The following PGM5 variants were observed in gnomAD, a reference collection of about 807,000 sequenced individuals.
PGM5 encodes the protein phosphoglucomutase 5, also known as phosphoglucomutase-like protein 5.
A neutral mutation model predicts 59.2 loss-of-function variants in PGM5; 23 were observed. The observed-to-expected ratio is 0.39, with a 90% CI of 0.28 to 0.55. The LOEUF is 0.55. Among genes scored for constraint, PGM5 ranks in the 20% least tolerant of loss-of-function variants. The pLI is 0.66. For missense variants in PGM5, 574 were observed against 748.3 expected (o/e 0.77, Z 2.72); for synonymous variants, 214 against 286.0 (o/e 0.75, Z 2.54).
chr9:68,512,149 G>T (rs1554689413), intron 10 of PGM5, among the ~76,000 whole-genome samples: 1 of 152,202 alleles, frequency 6.6e-6, no homozygotes, highest in South Asian at 2.1e-4. Flanking sequence ...TCTGTTGGTT[G>T]TTCCAAGCTC....
chr9:68,519,214 CAGAT>C (rs754986134), intron 10 of PGM5, among the ~76,000 whole-genome samples: 6 of 151,820 alleles, frequency 4.0e-5, no homozygotes, highest in African/African-American at 1.2e-4. Flanking sequence ...AAAATTATCC[CAGAT>C]AGATATTTGG....
intron 6 of PGM5, among the ~76,000 whole-genome samples, chr9:68,425,685 CAT>C (rs1823224415): frequency 6.6e-6 from 1 of 151,984 alleles, no homozygotes; most frequent in South Asian, 2.1e-4. Flanking sequence ...TTTATTTGTT[CAT>C]TGTTTTTTTT....
chr9:68,452,052 C>T (rs1322345946), intron 6 of PGM5, among the ~76,000 whole-genome samples: 1 of 152,238 alleles, frequency 6.6e-6, no homozygotes, highest in Non-Finnish European at 1.5e-5. Flanking sequence ...GGCTTCAGCC[C>T]TGGCCTGACA....
chr9:68,476,521 A>C (rs1422713130), intron 7 of PGM5, among the ~76,000 whole-genome samples: 1 of 152,222 alleles, frequency 6.6e-6, no homozygotes, highest in African/African-American at 2.4e-5. Flanking sequence ...TCACTGATAC[A>C]GCATAGCGTT....
intron 6 of PGM5, among the ~76,000 whole-genome samples, chr9:68,463,211 A>G (rs2132077980): frequency 1.3e-5 from 2 of 151,474 alleles, no homozygotes; most frequent in South Asian, 4.2e-4. Flanking sequence ...ATTTGACCAC[A>G]AAGCCAACCT....
At position 68,422,174 on chromosome 9, in the gene PGM5, G is replaced by A. The variant is rs111406725; in HGVS notation, c.1043+29701G>A. On this transcript the variant is annotated intron_variant, in intron 6 of 10. Transcript: ENST00000396396. ...AACTTTTGATAGACCAAGTAGCCAA[G>A]TAGGAGGAACAATCTCAACAATAAA... Among the ~76,000 whole-genome samples, 713 of 152,152 alleles carry A rather than the reference G, an allele frequency of 4.7e-3. 3 individuals carry two copies. Among genetic ancestry groups the A allele is most frequent in the African/African-American group, 0.016 (656 of 41,528 alleles).
chr9:68,465,647 C>G (rs1350306907), intron 7 of PGM5, among the ~76,000 whole-genome samples: 2 of 152,124 alleles, frequency 1.3e-5, no homozygotes, highest in African/African-American at 4.8e-5. Context: ...TATAAGGGCT[C>G]TTGTTCAGAA....
chr9:68,384,365 C>T (rs2987663), intron 2 of PGM5, 33 bp from the exon 3 acceptor site: 34 of 1,550,572 alleles, frequency 2.2e-5, no homozygotes, highest in South Asian at 9.3e-5. Context: ...ACGAGACTTT[C>T]AAAAACATGT....
chr9:68,478,798 C>CCTAA (rs1554686865), intron 7 of PGM5, among the ~76,000 whole-genome samples: 1 of 152,188 alleles, frequency 6.6e-6, no homozygotes, highest in African/African-American at 2.4e-5. Flanking sequence ...CCTCAAGATT[C>CCTAA]CTAACTTAAT....
At chr9:68,438,100 C>A (rs1823468135) in intron 6 of PGM5, among the ~76,000 whole-genome samples, 2 of 151,812 alleles carry the variant, frequency 1.3e-5, no homozygotes, top group Admixed American at 1.3e-4. Context: ...CCAACTTGGG[C>A]AACATGGCGA....
intron 7 of PGM5, among the ~76,000 whole-genome samples, chr9:68,472,697 CAGCCCAGGGTAGAGTGCG>C (rs1487910233): frequency 6.6e-6 from 1 of 152,196 alleles, no homozygotes; most frequent in African/African-American, 2.4e-5. Context: ...TTCTATGAGC[CAGCCCAGGGTAGAGTGCG>C]AGTAATTTCA....
intron 6 of PGM5, among the ~76,000 whole-genome samples, chr9:68,463,881 G>A (rs1467034423): frequency 6.6e-6 from 1 of 152,106 alleles, no homozygotes; most frequent in Non-Finnish European, 1.5e-5. Context: ...AAAAGTAATA[G>A]CCATTCAGTA....
chr9:68,399,556 T>C (rs1158287840), intron 6 of PGM5, among the ~76,000 whole-genome samples: 1 of 151,360 alleles, frequency 6.6e-6, no homozygotes, highest in Non-Finnish European at 1.5e-5. Flanking sequence ...ACATTACTAA[T>C]GAGCTTAAGC....
intron 8 of PGM5, among the ~76,000 whole-genome samples, chr9:68,482,923 A>C (rs1554687227): frequency 6.6e-6 from 1 of 152,194 alleles, no homozygotes; most frequent in African/African-American, 2.4e-5. Context: ...TATTTTTTCT[A>C]ATCGACTTCC....
chr9:68,426,035 T>C (rs782642967), intron 6 of PGM5, among the ~76,000 whole-genome samples: 1 of 152,206 alleles, frequency 6.6e-6, no homozygotes, highest in African/African-American at 2.4e-5. Context: ...GCTTTAGCTA[T>C]ATATTTTTTA....
chr9:68,480,459 C>G (rs2132090446), intron 8 of PGM5, among the ~76,000 whole-genome samples: 1 of 152,252 alleles, frequency 6.6e-6, no homozygotes, highest in South Asian at 2.1e-4. Context: ...AATACCAGCA[C>G]TTTGGGAGGC....
At chr9:68,526,180 C>G (rs760566783) in intron 10 of PGM5, among the ~76,000 whole-genome samples, 1 of 152,134 alleles carries the variant, frequency 6.6e-6, no homozygotes, top group African/African-American at 2.4e-5. Context: ...TGGGGTCATA[C>G]AAAATCTAAA....
rs114807735 is a variant in PGM5 at position 68,511,046 on chromosome 9, G to A, written c.1614+11685G>A. On this transcript the variant is annotated intron_variant, in intron 10 of 10. Transcript: ENST00000396396. ...TAGCAGGCTTCAGAGAGAATAGAAG[G>A]TAAATGTCTCTTATTAGACCTCAAA... is the stretch of plus-strand genomic sequence containing the variant. Among the ~76,000 whole-genome samples, 1,221 of 152,306 alleles carry A rather than the reference G, an allele frequency of 8.0e-3. 13 individuals carry two copies. Among genetic ancestry groups the A allele is most frequent in the African/African-American group, 0.028 (1,166 of 41,568 alleles).
intron 8 of PGM5, among the ~76,000 whole-genome samples, chr9:68,482,480 G>T (rs562462577): frequency 2.6e-5 from 4 of 152,300 alleles, no homozygotes; most frequent in South Asian, 4.1e-4. Flanking sequence ...GGGACCCATT[G>T]CTAGACATGG....
Sources: allele counts gnomAD v4.1 joint callset (sites outside exome capture counted in the v4.1 genomes callset), GRCh38; gene constraint gnomAD v4.1.1; transcripts MANE v1.5; gene names NCBI Gene and HGNC (gene_info 2026-07-23, HGNC 2026-07-21).